The following PRKCI variants were observed in gnomAD, a reference collection of about 807,000 sequenced individuals.
The protein encoded by PRKCI is protein kinase C iota.
PRKCI carries 43 observed loss-of-function variants against 84.0 expected under a neutral mutation model. The observed-to-expected ratio is 0.51, with a 90% CI of 0.40 to 0.66. The LOEUF is 0.66. PRKCI is among the 30% of genes least tolerant of loss of function. PRKCI has a pLI of 0.00. For missense variants in PRKCI, 459 were observed against 745.6 expected (o/e 0.62, Z 4.48); for synonymous variants, 216 against 234.4 (o/e 0.92, Z 0.72).
intron 5 of PRKCI, among the ~76,000 whole-genome samples, chr3:170,269,261 G>A (rs1300338146): frequency 1.3e-5 from 2 of 152,154 alleles, no homozygotes; most frequent in Non-Finnish European, 2.9e-5. Context: ...ATTTTTGGAT[G>A]CCATTTCCAT....
chr3:170,238,625 T>C (rs1239000790), intron 2 of PRKCI, among the ~76,000 whole-genome samples: 1 of 148,450 alleles, frequency 6.7e-6, no homozygotes, highest in Non-Finnish European at 1.5e-5. Flanking sequence ...ACAGTCTCAC[T>C]CTGTTGCCCA....
At chr3:170,247,971 A>G (rs1291230314) in intron 2 of PRKCI, among the ~76,000 whole-genome samples, 1 of 152,264 alleles carries the variant, frequency 6.6e-6, no homozygotes, top group South Asian at 2.1e-4. Context: ...AAGGGAGTAC[A>G]GTGACTTTTG....
At chr3:170,225,226 T>G (rs185851733) in intron 1 of PRKCI, among the ~76,000 whole-genome samples, 17 of 152,346 alleles carry the variant, frequency 1.1e-4, no homozygotes, top group Non-Finnish European at 2.5e-4. Context: ...TACCTTCATT[T>G]CAAGCCTCAT....
intron 5 of PRKCI, among the ~76,000 whole-genome samples, chr3:170,270,037 A>G (rs769987568): frequency 5.5e-4 from 84 of 152,162 alleles, no homozygotes; most frequent in Non-Finnish European, 1.0e-3. Flanking sequence ...CTTTAAGAAA[A>G]CAGAGCTTTG....
chr3:170,236,104 T>A lies in PRKCI; in HGVS notation c.223+753T>A, dbSNP rs1003363047. Among the ~76,000 whole-genome samples, 194 of 71,874 alleles carry A rather than the reference T, an allele frequency of 2.7e-3. 2 individuals are homozygous for A. The highest frequency in any genetic ancestry group is 8.0e-3 in the African/African-American group (162 of 20,318). The allele number at this position is 71,874 out of a possible 152,430, so 47.2% of individuals were successfully genotyped here. ...TTCAGCTTCACTTTATTTTTTAATTTAAATTTTTTTTTTTTGAGACAGAGT... is the reference window on the plus strand; with the variant it reads ...TTCAGCTTCACTTTATTTTTTAATTAAAATTTTTTTTTTTTGAGACAGAGT... On this transcript the variant is annotated intron_variant, in intron 2 of 17. Coordinates refer to ENST00000295797, the MANE Select transcript of PRKCI (RefSeq NM_002740.6).
At chr3:170,298,002 A>G (rs1734727336) in intron 16 of PRKCI, among the ~76,000 whole-genome samples, 2 of 151,444 alleles carry the variant, frequency 1.3e-5, no homozygotes, top group South Asian at 4.2e-4. Flanking sequence ...CTTCCTGAGT[A>G]GCTGGGATTA....
intron 1 of PRKCI, among the ~76,000 whole-genome samples, chr3:170,227,446 G>A (rs1732660346): frequency 6.6e-6 from 1 of 152,186 alleles, no homozygotes; most frequent in African/African-American, 2.4e-5. Context: ...ACCTATGTAA[G>A]GTATTTGCAG....
intron 12 of PRKCI, among the ~76,000 whole-genome samples, chr3:170,287,336 T>TAGAG (rs142905735): frequency 0.014 from 2,148 of 150,576 alleles, 30 homozygotes; most frequent in East Asian, 0.072. Context: ...TATATATATA[T>TAGAG]ATAGAGAGAG....
intron 2 of PRKCI, among the ~76,000 whole-genome samples, chr3:170,236,169 T>C (rs148259878): frequency 2.0e-5 from 3 of 151,648 alleles, no homozygotes; most frequent in South Asian, 2.1e-4. Flanking sequence ...TGGCATGATA[T>C]CAGCTCACTG....
chr3:170,258,210 G>A (rs775114559), intron 2 of PRKCI, among the ~76,000 whole-genome samples: 2 of 151,598 alleles, frequency 1.3e-5, no homozygotes, highest in East Asian at 1.9e-4. Flanking sequence ...TTTGGATAGG[G>A]TTGGTGGCAT....
At chr3:170,251,364 C>T (rs1165838766) in intron 2 of PRKCI, among the ~76,000 whole-genome samples, 1 of 152,076 alleles carries the variant, frequency 6.6e-6, no homozygotes, top group Non-Finnish European at 1.5e-5. Flanking sequence ...AAGACTTTTC[C>T]TAATGTTGTA....
chr3:170,299,905 T>C (rs752109588), intron 17 of PRKCI, among the ~76,000 whole-genome samples: 1 of 152,196 alleles, frequency 6.6e-6, no homozygotes, highest in Non-Finnish European at 1.5e-5. Context: ...ATTTTAAAGC[T>C]CTTGTATTGC....
At chr3:170,269,157 C>T (rs764550260) in intron 5 of PRKCI, among the ~76,000 whole-genome samples, 9 of 152,162 alleles carry the variant, frequency 5.9e-5, no homozygotes, top group Admixed American at 5.2e-4. Flanking sequence ...TCGCGTGATC[C>T]GTCCGCCTCG....
chr3:170,299,221 T>C (rs1456124649), intron 17 of PRKCI, 111 bp downstream of exon 17: 1 of 487,638 alleles, frequency 2.1e-6, no homozygotes, highest in African/African-American at 2.1e-5. Flanking sequence ...TTATTTTCTA[T>C]TTTATTTCAT....
chr3:170,272,279 C>G (rs1010500930), intron 6 of PRKCI, among the ~76,000 whole-genome samples: 2 of 152,096 alleles, frequency 1.3e-5, no homozygotes, highest in African/African-American at 4.8e-5. Flanking sequence ...CCACAAGGAA[C>G]AGTCAAAAAA....
At position 170,222,428 on chromosome 3, in the gene PRKCI, CAGG is replaced by C. The variant is rs1458097555; in HGVS notation, c.-238_-236del. 4.6e-6 allele frequency: 2 copies of C among 437,124 alleles called. No individual in the cohort carries two copies. The highest frequency in any genetic ancestry group is 8.0e-6 in the Non-Finnish European group (2 of 250,826). 27.1% of individuals were successfully genotyped at this position (437,124 alleles called of 1,614,324 possible). On this transcript the variant is annotated 5_prime_UTR_variant, in exon 1 of 18. Transcript: ENST00000295797. The stretch of plus-strand genomic sequence containing the variant: ...GCGAGCGAAGTGGGAGGGACCGACG[CAGG>C]AGGTGTCTTGGGCCCGGGCGGCTGT...
intron 1 of PRKCI, among the ~76,000 whole-genome samples, chr3:170,232,865 A>G (rs747416587): frequency 3.9e-5 from 6 of 152,160 alleles, no homozygotes; most frequent in Admixed American, 6.6e-5. Flanking sequence ...AACTTCAAAG[A>G]GATTTCTCTT....
At chr3:170,263,519 G>A in intron 4 of PRKCI, 90 bp downstream of exon 4, 5 of 1,160,748 alleles carry the variant, frequency 4.3e-6, no homozygotes, top group South Asian at 1.4e-5. Context: ...TTTTAGCTAG[G>A]TGCAGTGGAC....
chr3:170,275,015 C>G (rs1295709890), intron 7 of PRKCI, among the ~76,000 whole-genome samples: 1 of 151,868 alleles, frequency 6.6e-6, no homozygotes, highest in Non-Finnish European at 1.5e-5. Flanking sequence ...CTCTCTTTAC[C>G]CTCACTAAAG....
Sources: gnomAD v4.1 joint callset for allele counts (sites outside exome capture counted in the v4.1 genomes callset) on GRCh38, gnomAD v4.1.1 for gene constraint, MANE v1.5 for transcripts, NCBI Gene and HGNC (gene_info 2026-07-23, HGNC 2026-07-21) for gene names.